MYH9: variants seen among roughly 807,000 people sequenced by gnomAD.
The protein encoded by MYH9 is myosin-9.
MYH9 carries 29 observed loss-of-function variants against 241.9 expected under a neutral mutation model. The ratio of observed to expected loss-of-function variants is 0.12; its 90% CI spans 0.09 to 0.16. The LOEUF (loss-of-function observed/expected upper bound fraction) is 0.16, where lower values mean the gene tolerates loss of function less well. MYH9 is among the 10% of genes least tolerant of loss of function. The pLI is 1.00. For missense variants in MYH9, 1,803 were observed against 2,595.5 expected (o/e 0.69, Z 6.63); for synonymous variants, 1,047 against 1,062.6 (o/e 0.99, Z 0.29).
chr22:36,308,881 G>GTGCTCTGC (rs2017014384), intron 15 of MYH9: 2 of 985,008 alleles, frequency 2.0e-6, no homozygotes, highest in Non-Finnish European at 2.4e-6. Flanking sequence ...CTGCAACAGA[G>GTGCTCTGC]AGGTTAAAGC....
intron 1 of MYH9, among the ~76,000 whole-genome samples, chr22:36,370,499 T>A (rs924312701): frequency 6.6e-6 from 1 of 152,094 alleles, no homozygotes; most frequent in Non-Finnish European, 1.5e-5. Context: ...TGCTAAGACA[T>A]GAAGCAGTCC....
chr22:36,383,792 T>C (rs538687106), intron 1 of MYH9, among the ~76,000 whole-genome samples: 32 of 151,140 alleles, frequency 2.1e-4, no homozygotes, highest in Non-Finnish European at 1.5e-4. Flanking sequence ...ACCCTGTCTC[T>C]ACTAAAAATA....
intron 2 of MYH9, among the ~76,000 whole-genome samples, chr22:36,345,046 C>T (rs151046098): frequency 0.03 from 4,577 of 152,218 alleles, 221 homozygotes; most frequent in African/African-American, 0.1. Context: ...GGTGTGGTGG[C>T]TCACGCCTGT....
chr22:36,295,417 TG>T lies in MYH9; in HGVS notation c.3485+87del. 13 of 1,025,054 alleles carry T rather than the reference TG, an allele frequency of 1.3e-5. No individual in the cohort carries two copies. The highest frequency in any genetic ancestry group is 1.9e-5 in the Non-Finnish European group (13 of 669,486). The allele number at this position is 1,025,054 out of a possible 1,614,324, so 63.5% of individuals were successfully genotyped here. A position where few individuals can be genotyped will look rare whatever the true frequency, so the allele number is the denominator to read the frequency against. ...GAGGGCCACGGTGTGTGTGTGTGTG[TG>T]TGTGCAGAGGCCCGGGGTCCATGTC... On this transcript the variant is annotated intron_variant, in intron 26 of 40. Coordinates refer to ENST00000216181, the MANE Select transcript of MYH9 (RefSeq NM_002473.6). This position sits in a 1 kb window ranked among gnomAD's most constrained non-coding sequence, Gnocchi z 4.1.
chr22:36,294,669 T>C (rs2016760691), intron 27 of MYH9, among the ~76,000 whole-genome samples: 2 of 152,250 alleles, frequency 1.3e-5, no homozygotes, highest in African/African-American at 4.8e-5. Context: ...AGACTTCCAA[T>C]AAAGCCTGTC....
chr22:36,344,382 G>A (rs976188215), intron 2 of MYH9, among the ~76,000 whole-genome samples: 3 of 152,206 alleles, frequency 2.0e-5, no homozygotes, highest in African/African-American at 7.2e-5. Context: ...CAAACAGGCT[G>A]CACGAAGGCT....
chr22:36,360,528 A>G (rs1413138784), intron 1 of MYH9, among the ~76,000 whole-genome samples: 1 of 151,994 alleles, frequency 6.6e-6, no homozygotes, highest in Non-Finnish European at 1.5e-5. Context: ...CCTGGCTAAC[A>G]CGGTGAAACC....
Position 36,311,741 on chromosome 22 carries a change from A to G in MYH9, c.1728+308T>C, listed in dbSNP as rs2187780. ...GCAGAGCTCTATTCAAACTCTGAGC[A>G]CATGCCTTTAGCCAAAGCTCTGCAC... is the stretch of plus-strand genomic sequence containing the variant. On this transcript the variant is annotated intron_variant, in intron 14 of 40. Transcript: ENST00000216181. Among the ~76,000 whole-genome samples the G allele has an allele frequency of 0.45, 68,440 of 152,216 alleles. 18,225 individuals are homozygous for G. The highest frequency in any genetic ancestry group is 0.78 in the East Asian group (4,021 of 5,174).
chr22:36,316,142 A>G (rs1269374128), intron 12 of MYH9, among the ~76,000 whole-genome samples: 7 of 150,276 alleles, frequency 4.7e-5, no homozygotes, highest in Admixed American at 4.0e-4. Context: ...GGTTCAAGCA[A>G]TTCTCCTGCC....
intron 24 of MYH9, among the ~76,000 whole-genome samples, chr22:36,297,896 T>G (rs2016813436): frequency 6.6e-6 from 1 of 152,226 alleles, no homozygotes; most frequent in Admixed American, 6.5e-5. Flanking sequence ...CAGTTTGCAG[T>G]CCCAGCAGCA....
intron 31 of MYH9, 138 bp from the exon 32 acceptor site, chr22:36,289,435 G>A (rs1024028030): frequency 1.3e-6 from 1 of 763,770 alleles, no homozygotes; most frequent in East Asian, 2.7e-5. Context: ...ACAGGCCCAG[G>A]GCTGTGCCCA....
At chr22:36,364,535 A>G (rs757694024) in intron 1 of MYH9, among the ~76,000 whole-genome samples, 3 of 152,168 alleles carry the variant, frequency 2.0e-5, no homozygotes, top group Admixed American at 6.5e-5. Context: ...GACAGACAGC[A>G]AGGGCCACCC....
At chr22:36,297,646 G>A (rs2016809280) in intron 24 of MYH9, among the ~76,000 whole-genome samples, 1 of 152,222 alleles carries the variant, frequency 6.6e-6, no homozygotes, top group African/African-American at 2.4e-5. Flanking sequence ...CGCTGGAATA[G>A]ATGTGTAAGG....
In MYH9 at chr22:36,282,216, A is replaced by G; in HGVS notation, c.*452T>C. The G allele has an allele frequency of 5.7e-6, 2 of 353,140 alleles. No homozygotes were observed. Among genetic ancestry groups the G allele is most frequent in the South Asian group, 3.7e-5 (1 of 27,340 alleles). The allele number at this position is 353,140 out of a possible 1,614,324, so 21.9% of individuals were successfully genotyped here. On this transcript the variant is annotated 3_prime_UTR_variant, in exon 41 of 41. Coordinates refer to ENST00000216181, the MANE Select transcript of MYH9 (RefSeq NM_002473.6). ...CACGTGTGATTGCAAACAGCAAAGAAAGGAGGAGGAGTGGGGGCGCTGGTG... is the reference window on the plus strand; with the variant it reads ...CACGTGTGATTGCAAACAGCAAAGAGAGGAGGAGGAGTGGGGGCGCTGGTG...
chr22:36,295,495 C>T lies in MYH9; in HGVS notation c.3485+10G>A, dbSNP rs759575657. 6.2e-7 allele frequency: 1 copy of T among 1,611,614 alleles called. No homozygotes were observed. The highest frequency in any genetic ancestry group is 8.5e-7 in the Non-Finnish European group (1 of 1,179,802). ...CTCCCCATCCCGAGGGACTTGGTCC[C>T]AGGGCACACCTGAGCTCCTGCTGGG... On this transcript the variant is annotated intron_variant, in intron 26 of 40. Transcript: ENST00000216181. This position sits in a 1 kb window ranked among gnomAD's most constrained non-coding sequence, Gnocchi z 4.1.
chr22:36,377,391 C>T (rs540866608), intron 1 of MYH9, among the ~76,000 whole-genome samples: 1 of 152,134 alleles, frequency 6.6e-6, no homozygotes, highest in South Asian at 2.1e-4. Context: ...AATAAAGGTG[C>T]CTCTATCGCT....
chr22:36,304,093 A>G lies in MYH9; in HGVS notation c.2292T>C (p.Arg764=), dbSNP rs2146346643. ...CCTCCAGGTGGGCCAGCACACCGGCACGGAAGAAGACTTTGCTCTGGCCAA... is the reference window on the plus strand; with the variant it reads ...CCTCCAGGTGGGCCAGCACACCGGCGCGGAAGAAGACTTTGCTCTGGCCAA... ...YRIGQSKVFF[R]AGVLAHLEEE... Residue 764 remains arginine (R), a synonymous_variant, in exon 19 of 41, where the codon CGT becomes CGC. Transcript: ENST00000216181. 1 of 1,613,814 alleles carries G rather than the reference A, an allele frequency of 6.2e-7. No homozygotes were observed. Among genetic ancestry groups the G allele is most frequent in the Non-Finnish European group, 8.5e-7 (1 of 1,180,030 alleles).
rs1365573050 is a variant in MYH9 at position 36,300,124 on chromosome 22, C to T, written c.2976+3G>A. The stretch of plus-strand genomic sequence containing the variant: ...AGCGGCAGGCGACAGCCACGGGCCT[C>T]ACCTTGGCCAGCTTGCAGTTCTGGT... On this transcript the variant is annotated splice_donor_region_variant and intron_variant, in intron 23 of 40. Coordinates refer to ENST00000216181, the MANE Select transcript of MYH9 (RefSeq NM_002473.6). The surrounding 1 kb of genome is among the most constrained non-coding windows in gnomAD (Gnocchi z 5.0). The T allele has an allele frequency of 1.2e-6, 2 of 1,610,618 alleles. No homozygotes were observed. The highest frequency in any genetic ancestry group is 1.6e-4 in the Middle Eastern group (1 of 6,080).
At chr22:36,331,324 G>A (rs898068981) in intron 3 of MYH9, among the ~76,000 whole-genome samples, 2 of 152,296 alleles carry the variant, frequency 1.3e-5, no homozygotes, top group South Asian at 2.1e-4. Context: ...CCCTGGCACC[G>A]CCACGAGAAA....
Sources: allele counts gnomAD v4.1 joint callset (sites outside exome capture counted in the v4.1 genomes callset), GRCh38; gene constraint gnomAD v4.1.1; non-coding constraint Gnocchi (gnomAD v3.1); transcripts MANE v1.5; gene names NCBI Gene and HGNC (gene_info 2026-07-23, HGNC 2026-07-21).